Variants in SPEM2 observed in about 807,000 individuals in gnomAD.
The protein encoded by SPEM2 is uncharacterized protein SPEM2.
A neutral mutation model predicts 9.3 loss-of-function variants in SPEM2; 15 were observed. The ratio of observed to expected loss-of-function variants is 1.62; its 90% CI spans 1.08 to 2.50. SPEM2 has a LOEUF of 2.50. Ranked by LOEUF, SPEM2 falls within the 30% of genes most tolerant of loss-of-function variation. The probability of loss-of-function intolerance (pLI) is 0.00; values close to 1 mark genes in which losing one functional copy is unlikely to be tolerated. For synonymous variants in SPEM2, 268 were observed against 272.4 expected (o/e 0.98, Z 0.16); for missense variants, 678 against 690.0 (o/e 0.98, Z 0.19).
rs763178795 is a variant in SPEM2 at position 7,426,556 on chromosome 17, G to A, written c.565G>A (p.Asp189Asn). Residue 189 changes from aspartate (D) to asparagine (N), a missense_variant, in exon 3 of 3, where the codon GAC (aspartate) becomes AAC (asparagine). Asp to Asn is a conservative substitution (Grantham distance 23). Coordinates refer to ENST00000333870, the MANE Select transcript of SPEM2 (RefSeq NM_175734.5). The surrounding 1 kb of genome is among the most constrained non-coding windows in gnomAD (Gnocchi z 5.3). ...EDPDSYLEEE[D>N]NLPFPYPKYP... ...CCCGGATTCCTACCTGGAGGAGGAG[G>A]ACAACCTGCCCTTCCCGTATCCCAA... The A allele has an allele frequency of 1.2e-6, 2 of 1,614,154 alleles. No individual in the cohort carries two copies. The highest frequency in any genetic ancestry group is 1.7e-6 in the Non-Finnish European group (2 of 1,180,002).
chr17:7,427,420 T>A lies in SPEM2; in HGVS notation c.1429T>A (p.Ser477Thr). ...GCAGGTGCAGAAGAGCAGAGCCAGG[T>A]CCAGCTCACTGCCACCGGCTTCCAC... The part of the protein sequence containing the change: ...KRQVQKSRAR[S>T]SSLPPASTST... Residue 477 changes from serine (S) to threonine (T), a missense_variant, in exon 3 of 3, where the codon TCC becomes ACC. Transcript: ENST00000333870. This position sits in a 1 kb window ranked among gnomAD's most constrained non-coding sequence, Gnocchi z 5.4. 1 of 1,611,610 alleles carries A rather than the reference T, an allele frequency of 6.2e-7. No individual in the cohort carries two copies. The highest frequency in any genetic ancestry group is 8.5e-7 in the Non-Finnish European group (1 of 1,178,584).
At position 7,426,584 on chromosome 17, in the gene SPEM2, A is replaced by G; in HGVS notation, c.593A>G (p.Tyr198Cys). The stretch of plus-strand genomic sequence containing the variant: ...AACCTGCCCTTCCCGTATCCCAAGT[A>G]CCCACGTCGCGGCTGGGGCGGGTTT... ...EDNLPFPYPK[Y>C]PRRGWGGFYQ... The change falls in exon 3 of 3, where the codon TAC becomes TGC. Residue 198 changes from tyrosine (Y) to cysteine (C), a missense_variant. Transcript: ENST00000333870. The surrounding 1 kb of genome is among the most constrained non-coding windows in gnomAD (Gnocchi z 5.3). The G allele has an allele frequency of 1.9e-6, 3 of 1,614,068 alleles. No individual in the cohort carries two copies. The highest frequency in any genetic ancestry group is 2.5e-6 in the Non-Finnish European group (3 of 1,179,978).
rs768725971 is a variant in SPEM2 at position 7,427,190 on chromosome 17, C to T, written c.1199C>T (p.Thr400Ile). 2 of 1,614,192 alleles carry T rather than the reference C, an allele frequency of 1.2e-6. No individual in the cohort carries two copies. Among genetic ancestry groups the T allele is most frequent in the Non-Finnish European group, 1.7e-6 (2 of 1,180,014 alleles). Residue 400 changes from threonine (T) to isoleucine (I), a missense_variant, in exon 3 of 3, where the codon ACC becomes ATC. Physicochemically the swap from Thr to Ile is moderately conservative, Grantham distance 89. Transcript: ENST00000333870. This position sits in a 1 kb window ranked among gnomAD's most constrained non-coding sequence, Gnocchi z 5.4. ...EALPAWRPLT[T>I]SASLTVLDEA... The stretch of plus-strand genomic sequence containing the variant: ...CTGCCCGCCTGGCGTCCTCTGACTA[C>T]CTCTGCCTCCCTCACGGTGTTGGAC...
rs756092105 is a variant in SPEM2, at chr17:7,427,463, C to A, written c.1472C>A (p.Ser491Tyr). 1 of 1,596,744 alleles carries A rather than the reference C, an allele frequency of 6.3e-7. No individual in the cohort carries two copies. Among genetic ancestry groups the A allele is most frequent in the African/African-American group, 1.3e-5 (1 of 74,666 alleles). Residue 491 changes from serine (S) to tyrosine (Y), a missense_variant, in exon 3 of 3, where the codon TCT (serine) becomes TAT (tyrosine). Ser to Tyr is a moderately radical substitution (Grantham distance 144, BLOSUM62 -2). Coordinates refer to ENST00000333870, the MANE Select transcript of SPEM2 (RefSeq NM_175734.5). This position sits in a 1 kb window ranked among gnomAD's most constrained non-coding sequence, Gnocchi z 5.4. ...PPASTSTLRPSLHRSQTEKLN is the reference protein window; with the variant it reads ...PPASTSTLRPYLHRSQTEKLN ...GCTTCCACCTCCACCTTGAGGCCCT[C>A]TCTGCACAGGAGCCAGACCGAGAAA...
rs769170620 is a variant in SPEM2, at chr17:7,426,824, C to T, written c.833C>T (p.Ser278Leu). The change falls in exon 3 of 3, where the codon TCG becomes TTG. Residue 278 changes from serine (S) to leucine (L), a missense_variant. Transcript: ENST00000333870. The surrounding 1 kb of genome is among the most constrained non-coding windows in gnomAD (Gnocchi z 5.3). The part of the protein sequence containing the change: ...WGNVEAEQWA[S>L]SPPPPHRLPP... ...AATGTGGAGGCTGAGCAGTGGGCCT[C>T]GTCTCCACCACCTCCCCACCGGCTG... The T allele has an allele frequency of 6.2e-6, 10 of 1,607,918 alleles. No homozygotes were observed. The highest frequency in any genetic ancestry group is 4.4e-5 in the South Asian group (4 of 90,390).
chr17:7,427,070 C>A lies in SPEM2; in HGVS notation c.1079C>A (p.Ser360Tyr), dbSNP rs757639394. ...QSLLGHAYGQSHRSPHPSTEP... is the reference protein window; with the variant it reads ...QSLLGHAYGQYHRSPHPSTEP... ...CTGCTTGGTCACGCCTATGGCCAGT[C>A]CCACCGCAGTCCCCACCCATCCACG... Residue 360 changes from serine (S) to tyrosine (Y), a missense_variant, in exon 3 of 3, where the codon TCC (serine) becomes TAC (tyrosine). Ser to Tyr is a moderately radical substitution (Grantham distance 144). Coordinates refer to ENST00000333870, the MANE Select transcript of SPEM2 (RefSeq NM_175734.5). The surrounding 1 kb of genome is among the most constrained non-coding windows in gnomAD (Gnocchi z 5.4). 1.2e-6 allele frequency: 2 copies of A among 1,613,046 alleles called. No homozygotes were observed. Among genetic ancestry groups the A allele is most frequent in the Non-Finnish European group, 8.5e-7 (1 of 1,179,886 alleles).
rs1257166577 is a variant in SPEM2 at position 7,426,759 on chromosome 17, G to A, written c.768G>A (p.Gln256=). The change falls in exon 3 of 3, where the codon CAG becomes CAA. Residue 256 remains glutamine (Q), a synonymous_variant. Transcript: ENST00000333870. The surrounding 1 kb of genome is among the most constrained non-coding windows in gnomAD (Gnocchi z 5.3). ...AGGCCAGGTCTGAGCTGAGGCTGCA[G>A]TCCTATGGGCGCCACGGTTCCCAAT... The part of the protein sequence containing the change: ...RVEARSELRL[Q]SYGRHGSQSR... 6 of 1,606,004 alleles carry A rather than the reference G, an allele frequency of 3.7e-6. No homozygotes were observed. The highest frequency in any genetic ancestry group is 5.1e-6 in the Non-Finnish European group (6 of 1,175,496).
chr17:7,426,308 C>T lies in SPEM2; in HGVS notation c.317C>T (p.Ser106Phe), dbSNP rs1907594022. 6.2e-7 allele frequency: 1 copy of T among 1,614,210 alleles called. No homozygotes were observed. ...ATGTCCCGACCCACGCAGTACTCCT[C>T]TTTCTCCTGCCACCATTTCTCCAAC... ...VKMSRPTQYSSFSCHHFSNHH... is the reference protein window; with the variant it reads ...VKMSRPTQYSFFSCHHFSNHH... The change falls in exon 3 of 3, where the codon TCT becomes TTT. Residue 106 changes from serine (S) to phenylalanine (F), a missense_variant. Coordinates refer to ENST00000333870, the MANE Select transcript of SPEM2 (RefSeq NM_175734.5). The surrounding 1 kb of genome is among the most constrained non-coding windows in gnomAD (Gnocchi z 5.3).
chr17:7,426,296 C>T lies in SPEM2; in HGVS notation c.305C>T (p.Thr102Met), dbSNP rs752912269. The T allele has an allele frequency of 2.6e-5, 42 of 1,614,086 alleles. No individual in the cohort carries two copies. Among genetic ancestry groups the T allele is most frequent in the South Asian group, 1.3e-4 (12 of 91,090 alleles). Residue 102 changes from threonine to methionine, a missense_variant, in exon 3 of 3, where the codon ACG (threonine) becomes ATG (methionine). By Grantham distance (81) the Thr-to-Met change is moderately conservative (BLOSUM62 -1). Transcript: ENST00000333870. This position sits in a 1 kb window ranked among gnomAD's most constrained non-coding sequence, Gnocchi z 5.3. ...GTGCAGGTGAAGATGTCCCGACCCA[C>T]GCAGTACTCCTCTTTCTCCTGCCAC... ...DPVQVKMSRP[T>M]QYSSFSCHHF...
intron 1 of SPEM2, 65 bp downstream of exon 1, chr17:7,425,891 C>A: frequency 6.2e-7 from 1 of 1,611,606 alleles, no homozygotes. Flanking sequence ...CAGCTGCAGC[C>A]TACATCTCCA....
In SPEM2 at chr17:7,426,179, C is replaced by G; in HGVS notation, c.197-9C>G. 1 of 1,613,062 alleles carries G rather than the reference C, an allele frequency of 6.2e-7. No individual in the cohort carries two copies. ...TTGCCCTGACTTCATGGACTCTTGC[C>G]TTCCCCAGATGAAATTCAGGCCAGT... On this transcript the variant is annotated splice_polypyrimidine_tract_variant and intron_variant, in intron 2 of 2. Transcript: ENST00000333870. This position sits in a 1 kb window ranked among gnomAD's most constrained non-coding sequence, Gnocchi z 5.3.
Position 7,426,102 on chromosome 17 carries a change from T to C in SPEM2, c.196+52T>C. ...GGACCCCCATCCCCACCCCTGACAA[T>C]GGCCCTAGAAACCCAGGCCCCAGTG... On this transcript the variant is annotated intron_variant, in intron 2 of 2. Coordinates refer to ENST00000333870, the MANE Select transcript of SPEM2 (RefSeq NM_175734.5). This position sits in a 1 kb window ranked among gnomAD's most constrained non-coding sequence, Gnocchi z 5.3. 1 of 1,612,962 alleles carries C rather than the reference T, an allele frequency of 6.2e-7. No homozygotes were observed. Among genetic ancestry groups the C allele is most frequent in the Non-Finnish European group, 8.5e-7 (1 of 1,178,996 alleles).
rs2150825595 is a variant in SPEM2 at position 7,427,154 on chromosome 17, G to A, written c.1163G>A (p.Trp388Ter). The A allele has an allele frequency of 1.2e-6, 2 of 1,613,752 alleles. No homozygotes were observed. The highest frequency in any genetic ancestry group is 1.7e-6 in the Non-Finnish European group (2 of 1,179,838). Residue 388 changes from tryptophan to a stop codon, truncating the protein, a stop_gained, in exon 3 of 3, where the codon TGG (tryptophan) becomes TAG (stop). Transcript: ENST00000333870. LOFTEE classifies it low-confidence loss of function (END_TRUNC). This position sits in a 1 kb window ranked among gnomAD's most constrained non-coding sequence, Gnocchi z 5.4. ...PREVRRRAADWAEALPAWRPL... is the reference protein window; with the variant it reads ...PREVRRRAAD Reference sequence around the variant, plus strand: ...GAGGTGCGGCGTCGGGCAGCTGACTGGGCTGAGGCTCTGCCCGCCTGGCGT... The same window carrying A: ...GAGGTGCGGCGTCGGGCAGCTGACTAGGCTGAGGCTCTGCCCGCCTGGCGT...
Position 7,427,239 on chromosome 17 carries a change from A to G in SPEM2, c.1248A>G (p.Pro416=). ...ACGAGGCCTCCCATCAACGGACCCCAGCTCCAAGCTCAGTGCTGGTCCCCC... is the reference window on the plus strand; with the variant it reads ...ACGAGGCCTCCCATCAACGGACCCCGGCTCCAAGCTCAGTGCTGGTCCCCC... ...VLDEASHQRT[P]APSSVLVPHS... Residue 416 remains proline (P), a synonymous_variant, in exon 3 of 3, where the codon CCA becomes CCG. Coordinates refer to ENST00000333870, the MANE Select transcript of SPEM2 (RefSeq NM_175734.5). This position sits in a 1 kb window ranked among gnomAD's most constrained non-coding sequence, Gnocchi z 5.4. The G allele has an allele frequency of 1.9e-6, 3 of 1,614,144 alleles. No individual in the cohort carries two copies. Among genetic ancestry groups the G allele is most frequent in the Non-Finnish European group, 2.5e-6 (3 of 1,180,002 alleles).
rs762080378 is a variant in SPEM2 at position 7,427,204 on chromosome 17, A to G, written c.1213A>G (p.Thr405Ala). Residue 405 changes from threonine (T) to alanine (A), a missense_variant, in exon 3 of 3, where the codon ACG (threonine) becomes GCG (alanine). By Grantham distance (58) the Thr-to-Ala change is moderately conservative. Coordinates refer to ENST00000333870, the MANE Select transcript of SPEM2 (RefSeq NM_175734.5). The surrounding 1 kb of genome is among the most constrained non-coding windows in gnomAD (Gnocchi z 5.4). Reference protein sequence around the residue: ...WRPLTTSASLTVLDEASHQRT... With the variant: ...WRPLTTSASLAVLDEASHQRT... ...TCCTCTGACTACCTCTGCCTCCCTC[A>G]CGGTGTTGGACGAGGCCTCCCATCA... is the stretch of plus-strand genomic sequence containing the variant. 1.2e-6 allele frequency: 2 copies of G among 1,613,894 alleles called. No individual in the cohort carries two copies. The highest frequency in any genetic ancestry group is 2.7e-5 in the African/African-American group (2 of 74,860).
rs373720670 is a variant in SPEM2 at position 7,426,621 on chromosome 17, G to C, written c.630G>C (p.Ala210=). ...GCTGGGGCGGGTTTTATCAGAGAGC[G>C]GGCCTGCCCTCCAATGTGGGGCTGT... is the stretch of plus-strand genomic sequence containing the variant. ...RRGWGGFYQR[A]GLPSNVGLWG... Residue 210 remains alanine, a synonymous_variant, in exon 3 of 3, where the codon GCG becomes GCC. Transcript: ENST00000333870. This position sits in a 1 kb window ranked among gnomAD's most constrained non-coding sequence, Gnocchi z 5.3. 7 of 1,614,096 alleles carry C rather than the reference G, an allele frequency of 4.3e-6. No homozygotes were observed. The highest frequency in any genetic ancestry group is 5.9e-6 in the Non-Finnish European group (7 of 1,179,992).
rs769170962 is a variant in SPEM2 at position 7,426,813 on chromosome 17, G to A, written c.822G>A (p.Glu274=). Residue 274 remains glutamate (E), a synonymous_variant, in exon 3 of 3, where the codon GAG becomes GAA. Transcript: ENST00000333870. This position sits in a 1 kb window ranked among gnomAD's most constrained non-coding sequence, Gnocchi z 5.3. ...QSRLWGNVEA[E]QWASSPPPPH... Reference sequence around the variant, plus strand: ...GACTGTGGGGCAATGTGGAGGCTGAGCAGTGGGCCTCGTCTCCACCACCTC... The same window carrying A: ...GACTGTGGGGCAATGTGGAGGCTGAACAGTGGGCCTCGTCTCCACCACCTC... 1 of 1,606,816 alleles carries A rather than the reference G, an allele frequency of 6.2e-7. No individual in the cohort carries two copies.
chr17:7,426,572 C>T lies in SPEM2; in HGVS notation c.581C>T (p.Pro194Leu), dbSNP rs567550941. ...GAGGAGGAGGACAACCTGCCCTTCC[C>T]GTATCCCAAGTACCCACGTCGCGGC... ...YLEEEDNLPF[P>L]YPKYPRRGWG... is the part of the protein sequence containing the mutation. The change falls in exon 3 of 3, where the codon CCG becomes CTG. Residue 194 changes from proline to leucine, a missense_variant. Physicochemically the swap from Pro to Leu is moderately conservative, Grantham distance 98 (BLOSUM62 -3). Coordinates refer to ENST00000333870, the MANE Select transcript of SPEM2 (RefSeq NM_175734.5). The surrounding 1 kb of genome is among the most constrained non-coding windows in gnomAD (Gnocchi z 5.3). 4.0e-5 allele frequency: 64 copies of T among 1,614,204 alleles called. No homozygotes were observed. The highest frequency in any genetic ancestry group is 3.7e-4 in the Admixed American group (22 of 60,022).
At position 7,426,676 on chromosome 17, in the gene SPEM2, C is replaced by CT. The variant is rs746644813; in HGVS notation, c.686dup (p.Pro230AlafsTer10). On this transcript the variant is annotated frameshift_variant, in exon 3 of 3. Transcript: ENST00000333870. LOFTEE classifies it low-confidence loss of function (END_TRUNC). The surrounding 1 kb of genome is among the most constrained non-coding windows in gnomAD (Gnocchi z 5.3). ...CCACCAGGGTGGTATCCTGGCCAGT[C>CT]TGCCACCACCCTCTCTCTACCTGTC... 6.2e-7 allele frequency: 1 copy of CT among 1,614,018 alleles called. No homozygotes were observed. The highest frequency in any genetic ancestry group is 8.5e-7 in the Non-Finnish European group (1 of 1,179,998).
Sources: gnomAD v4.1 joint callset for allele counts on GRCh38, gnomAD v4.1.1 for gene constraint, Gnocchi (gnomAD v3.1) non-coding constraint, MANE v1.5 for transcripts, NCBI Gene and HGNC (gene_info 2026-07-23, HGNC 2026-07-21) for gene names.